The following ANAPC4 variants were observed in gnomAD, a reference collection of about 807,000 sequenced individuals.
The protein encoded by ANAPC4 is anaphase promoting complex subunit 4.
ANAPC4 carries 63 observed loss-of-function variants against 119.8 expected under a neutral mutation model. The observed-to-expected ratio is 0.53, with a 90% CI of 0.43 to 0.65. ANAPC4 has a LOEUF of 0.65. Among genes scored for constraint, ANAPC4 ranks in the 30% least tolerant of loss-of-function variants. The probability of loss-of-function intolerance (pLI) is 0.00; values close to 1 mark genes in which losing one functional copy is unlikely to be tolerated. For synonymous variants in ANAPC4, 283 were observed against 318.6 expected (o/e 0.89, Z 1.19); for missense variants, 716 against 945.1 (o/e 0.76, Z 3.18).
chr4:25,387,961 A>C (rs1424333564), intron 4 of ANAPC4, among the ~76,000 whole-genome samples: 1 of 149,272 alleles, frequency 6.7e-6, no homozygotes, highest in African/African-American at 2.5e-5. Context: ...CCCCATCTCT[A>C]AAAAAAAAAA....
At chr4:25,397,428 T>C (rs918303680) in intron 16 of ANAPC4, among the ~76,000 whole-genome samples, 1 of 152,128 alleles carries the variant, frequency 6.6e-6, no homozygotes, top group Admixed American at 6.5e-5. Context: ...CCTGCACGGC[T>C]ACCACCCGGG....
intron 4 of ANAPC4, among the ~76,000 whole-genome samples, chr4:25,387,038 CTTTT>C (rs568308400): frequency 0.014 from 2,079 of 151,944 alleles, 19 homozygotes; most frequent in Middle Eastern, 0.027. Context: ...TCATCTGGAA[CTTTT>C]TTTTGTGTCT....
intron 18 of ANAPC4, among the ~76,000 whole-genome samples, chr4:25,406,249 T>C (rs951254939): frequency 6.6e-6 from 1 of 152,222 alleles, no homozygotes; most frequent in Non-Finnish European, 1.5e-5. Flanking sequence ...AGTCGATCTT[T>C]TGCACTGTGG....
intron 4 of ANAPC4, among the ~76,000 whole-genome samples, chr4:25,386,728 T>A (rs1284953167): frequency 1.3e-5 from 2 of 152,222 alleles, no homozygotes; most frequent in African/African-American, 4.8e-5. Flanking sequence ...ATAGACTTGC[T>A]TGACACAGGG....
chr4:25,410,787 C>T (rs1207730730), intron 21 of ANAPC4, among the ~76,000 whole-genome samples: 1 of 152,158 alleles, frequency 6.6e-6, no homozygotes, highest in Non-Finnish European at 1.5e-5. Flanking sequence ...TTGTTTCAAG[C>T]ACAAAATTAT....
At chr4:25,399,087 CTGTA>C (rs1722812248) in intron 16 of ANAPC4, among the ~76,000 whole-genome samples, 1 of 150,826 alleles carries the variant, frequency 6.6e-6, no homozygotes, top group Admixed American at 6.6e-5. Context: ...AAATATTATA[CTGTA>C]TTTATCATAT....
chr4:25,397,957 G>C (rs549452852), intron 16 of ANAPC4, among the ~76,000 whole-genome samples: 1 of 151,608 alleles, frequency 6.6e-6, no homozygotes, highest in Non-Finnish European at 1.5e-5. Flanking sequence ...TTTGCGATGG[G>C]GTCTTTCTAT....
Position 25,416,440 on chromosome 4 carries a change from AG to A in ANAPC4, c.1918del (p.Asp640MetfsTer10). 1 of 1,545,280 alleles carries A rather than the reference AG, an allele frequency of 6.5e-7. No individual in the cohort carries two copies. Among genetic ancestry groups the A allele is most frequent in the Non-Finnish European group, 8.8e-7 (1 of 1,138,006 alleles). ...KVRRSIYSCL[D>X]AQFYDDETVT... ...TTAATTCTAGCATCTACAGTTGTTTAGATGCACAGTTTTATGATGATGAAAC... is the reference window on the plus strand; with the variant it reads ...TTAATTCTAGCATCTACAGTTGTTTAATGCACAGTTTTATGATGATGAAAC... On this transcript the variant is annotated frameshift_variant, in exon 27 of 29. Coordinates refer to ENST00000315368, the MANE Select transcript of ANAPC4 (RefSeq NM_013367.3). LOFTEE classifies it high-confidence loss of function.
chr4:25,417,136 T>C (rs1212115657), intron 27 of ANAPC4: 1 of 152,394 alleles, frequency 6.6e-6, no homozygotes, highest in Non-Finnish European at 1.5e-5. Flanking sequence ...TTTTCTTTTT[T>C]TTTTTTGAAA....
intron 3 of ANAPC4, among the ~76,000 whole-genome samples, chr4:25,381,942 C>T (rs951710434): frequency 4.9e-5 from 4 of 81,186 alleles, no homozygotes; most frequent in Admixed American, 2.3e-4. Context: ...AGTGAGACTC[C>T]GTCTCAAAAA....
chr4:25,389,130 C>G (rs1722199918), intron 7 of ANAPC4, among the ~76,000 whole-genome samples: 1 of 150,800 alleles, frequency 6.6e-6, no homozygotes, highest in Non-Finnish European at 1.5e-5. Context: ...GTAGCTGGGA[C>G]TACAGGCACG....
At position 25,417,650 on chromosome 4, in the gene ANAPC4, A is replaced by G. The variant is rs1294299591; in HGVS notation, c.2110A>G (p.Thr704Ala). 1 of 1,613,486 alleles carries G rather than the reference A, an allele frequency of 6.2e-7. No individual in the cohort carries two copies. The highest frequency in any genetic ancestry group is 2.2e-5 in the East Asian group (1 of 44,856). Reference protein sequence around the residue: ...DEQCSAIPTRTMHFEKHWRLL... With the variant: ...DEQCSAIPTRAMHFEKHWRLL... Reference sequence around the variant, plus strand: ...ACAGTGTAGTGCTATTCCCACCCGTACCATGCATTTTGAGAAGCACTGGAG... The same window carrying G: ...ACAGTGTAGTGCTATTCCCACCCGTGCCATGCATTTTGAGAAGCACTGGAG... Residue 704 changes from threonine (T) to alanine (A), a missense_variant, in exon 28 of 29, where the codon ACC becomes GCC. Thr to Ala is a moderately conservative substitution (Grantham distance 58, BLOSUM62 0). Transcript: ENST00000315368.
At chr4:25,389,159 A>T (rs10020325) in intron 7 of ANAPC4, among the ~76,000 whole-genome samples, 24 of 132,172 alleles carry the variant, frequency 1.8e-4, no homozygotes, top group Admixed American at 1.5e-4. Context: ...CACCCAGCTA[A>T]TTTTTTTTTT....
chr4:25,391,922 C>T (rs759865199), intron 9 of ANAPC4, among the ~76,000 whole-genome samples: 8 of 152,212 alleles, frequency 5.3e-5, no homozygotes, highest in Non-Finnish European at 8.8e-5. Flanking sequence ...TTCACTACTA[C>T]TGTGAAGTTG....
At position 25,380,450 on chromosome 4, in the gene ANAPC4, C is replaced by T. The variant is rs770140408; in HGVS notation, c.206C>T (p.Thr69Met). ...PPNENTGKEV[T>M]CLAWRPDGKL... The stretch of plus-strand genomic sequence containing the variant: ...AATGAAAATACAGGAAAGGAGGTGA[C>T]GTGTCTGGCATGGAGACCAGATGGC... The change falls in exon 3 of 29, where the codon ACG becomes ATG. Residue 69 changes from threonine to methionine, a missense_variant. Around this residue, in one of 3 missense-constraint regions of ANAPC4, gnomAD observed 202 missense variants for 293.5 expected, o/e 0.69. Transcript: ENST00000315368. The T allele has an allele frequency of 1.1e-5, 17 of 1,612,054 alleles. No homozygotes were observed. The highest frequency in any genetic ancestry group is 6.7e-5 in the Admixed American group (4 of 59,822).
chr4:25,379,179 G>A (rs1335593541), intron 2 of ANAPC4, among the ~76,000 whole-genome samples: 1 of 152,146 alleles, frequency 6.6e-6, no homozygotes, highest in Non-Finnish European at 1.5e-5. Context: ...GGCCGGAGGT[G>A]TGACCCTGGG....
intron 26 of ANAPC4, chr4:25,415,852 C>CA (rs954538877): frequency 1.4e-3 from 332 of 240,366 alleles, no homozygotes; most frequent in African/African-American, 5.7e-3. Context: ...TTGTTACGAC[C>CA]AAAAAAAATT....
In ANAPC4 at chr4:25,392,325, T is replaced by C. The variant is rs1287892194; in HGVS notation, c.706-13T>C. On this transcript the variant is annotated splice_polypyrimidine_tract_variant and intron_variant, in intron 9 of 28. Transcript: ENST00000315368. ...ATCTGATGATGACTCACTTTACTCT[T>C]TTGATTTTACAGCTTGAAACTAATC... The C allele has an allele frequency of 4.4e-6, 7 of 1,597,644 alleles. No homozygotes were observed. The highest frequency in any genetic ancestry group is 6.0e-6 in the Non-Finnish European group (7 of 1,166,032).
chr4:25,417,598 GTTTT>G lies in ANAPC4; in HGVS notation c.2076-14_2076-11del. The G allele has an allele frequency of 6.4e-7, 1 of 1,567,892 alleles. No individual in the cohort carries two copies. The highest frequency in any genetic ancestry group is 8.6e-7 in the Non-Finnish European group (1 of 1,160,610). Reference sequence around the variant, plus strand: ...AGATCCCCTTTTCATTCCTGAGTTGGTTTTTTTCCCTCTTTAGGCTAGATGAACA... The same window carrying G: ...AGATCCCCTTTTCATTCCTGAGTTGGTTTCCCTCTTTAGGCTAGATGAACA... On this transcript the variant is annotated splice_polypyrimidine_tract_variant and intron_variant, in intron 27 of 28. Transcript: ENST00000315368.
Sources: allele counts gnomAD v4.1 joint callset (sites outside exome capture counted in the v4.1 genomes callset), GRCh38; gene constraint gnomAD v4.1.1; regional missense constraint gnomAD v4.1.1; transcripts MANE v1.5; gene names NCBI Gene and HGNC (gene_info 2026-07-23, HGNC 2026-07-21).